The following NEGR1 variants were observed in gnomAD, a reference collection of about 807,000 sequenced individuals.
The protein encoded by NEGR1 is IgLON family member 4.
In NEGR1, 10 loss-of-function variants were observed where a neutral mutation model predicts 40.9. The ratio of observed to expected loss-of-function variants is 0.24; its 90% confidence interval spans 0.15 to 0.42. NEGR1 has a LOEUF of 0.42. Among genes scored for constraint, NEGR1 ranks in the 10% least tolerant of loss-of-function variants. The pLI is 1.00. For missense variants in NEGR1, 352 were observed against 438.9 expected (o/e 0.80, Z 1.77); for synonymous variants, 185 against 166.8 (o/e 1.11, Z -0.84).
chr1:72,265,705 G>A (rs912927521), intron 1 of NEGR1, among the ~76,000 whole-genome samples: 6 of 150,762 alleles, frequency 4.0e-5, no homozygotes, highest in African/African-American at 1.5e-4. Context: ...GAACTTAAAA[G>A]ATATTTGAAA....
intron 3 of NEGR1, among the ~76,000 whole-genome samples, chr1:71,739,199 G>GAAAAAAAAAAAA (rs776411417): frequency 1.6e-5 from 1 of 63,652 alleles, no homozygotes; most frequent in Non-Finnish European, 3.4e-5. Flanking sequence ...AAGGCAGGCA[G>GAAAAAAAAAAAA]AAAAAAAAAA....
intron 1 of NEGR1, among the ~76,000 whole-genome samples, chr1:72,173,166 C>T (rs896982924): frequency 3.3e-5 from 5 of 150,728 alleles, no homozygotes; most frequent in Non-Finnish European, 7.4e-5. Context: ...GCCAGCACAC[C>T]TGGCTAATTT....
chr1:72,039,306 T>C lies in NEGR1; in HGVS notation c.177-103995A>G, dbSNP rs188617259. On this transcript the variant is annotated intron_variant, in intron 1 of 6. Transcript: ENST00000357731. ...CCATTGAAATTTCTGATCAGGTACA[T>C]GATGTGGGCATATAAGTGTTTCAAA... is the stretch of plus-strand genomic sequence containing the variant. Among the ~76,000 whole-genome samples, 69 of 152,068 alleles carry C rather than the reference T, an allele frequency of 4.5e-4. No individual in the cohort carries two copies. In the East Asian group the frequency reaches 9.3e-3, roughly 20 times the overall value.
At chr1:71,947,935 G>C (rs1003112672) in intron 1 of NEGR1, among the ~76,000 whole-genome samples, 9 of 152,138 alleles carry the variant, frequency 5.9e-5, no homozygotes, top group African/African-American at 1.9e-4. Flanking sequence ...TATTTGAGTA[G>C]TATTTCTCCA....
At chr1:71,852,610 C>CTGTTT (rs1029024269) in intron 2 of NEGR1, among the ~76,000 whole-genome samples, 4 of 151,924 alleles carry the variant, frequency 2.6e-5, no homozygotes, top group African/African-American at 4.8e-5. Context: ...TAGACCACAA[C>CTGTTT]TGTTTTGTTT....
chr1:72,143,395 T>G (rs2100339330), intron 1 of NEGR1, among the ~76,000 whole-genome samples: 1 of 151,938 alleles, frequency 6.6e-6, no homozygotes, highest in South Asian at 2.1e-4. Context: ...ATGATGCACC[T>G]AAGGCAAAGA....
chr1:72,094,619 T>G (rs1327559401), intron 1 of NEGR1, among the ~76,000 whole-genome samples: 1 of 152,120 alleles, frequency 6.6e-6, no homozygotes. Context: ...TCAAGTCCCT[T>G]CTCTTTACTC....
At chr1:71,526,944 C>G (rs972055534) in intron 6 of NEGR1, among the ~76,000 whole-genome samples, 1 of 151,528 alleles carries the variant, frequency 6.6e-6, no homozygotes, top group African/African-American at 2.4e-5. Flanking sequence ...CTCAAACACA[C>G]CATATTCTTC....
intron 6 of NEGR1, among the ~76,000 whole-genome samples, chr1:71,508,253 A>G (rs1434243345): frequency 1.3e-5 from 2 of 152,160 alleles, no homozygotes; most frequent in South Asian, 2.1e-4. Context: ...CCTGGCCACT[A>G]TGAAAGCTAT....
At chr1:72,049,080 A>G (rs1647032281) in intron 1 of NEGR1, among the ~76,000 whole-genome samples, 1 of 151,536 alleles carries the variant, frequency 6.6e-6, no homozygotes, top group African/African-American at 2.4e-5. Flanking sequence ...AACAGAAACT[A>G]GAAGGGCTGA....
intron 4 of NEGR1, among the ~76,000 whole-genome samples, chr1:71,628,946 G>A (rs1650881048): frequency 6.6e-6 from 1 of 152,038 alleles, no homozygotes; most frequent in Non-Finnish European, 1.5e-5. Flanking sequence ...TGGATCGCTG[G>A]GTGAAATGGT....
At chr1:72,168,659 G>A (rs111325964) in intron 1 of NEGR1, among the ~76,000 whole-genome samples, 157 of 152,254 alleles carry the variant, frequency 1.0e-3, no homozygotes, top group African/African-American at 3.6e-3. Context: ...GGAAGCCAAG[G>A]CAGGCAGATC....
intron 2 of NEGR1, among the ~76,000 whole-genome samples, chr1:71,829,250 A>G (rs1322698249): frequency 6.6e-6 from 1 of 151,936 alleles, no homozygotes; most frequent in Non-Finnish European, 1.5e-5. Context: ...TTCCTATGAA[A>G]AAATTAAACT....
At chr1:71,792,508 T>C (rs1030052612) in intron 2 of NEGR1, among the ~76,000 whole-genome samples, 2 of 152,208 alleles carry the variant, frequency 1.3e-5, no homozygotes, top group African/African-American at 4.8e-5. Flanking sequence ...CTCTGTATTG[T>C]TTTTCATTTC....
chr1:72,263,079 G>A (rs1487513659), intron 1 of NEGR1, among the ~76,000 whole-genome samples: 30 of 151,614 alleles, frequency 2.0e-4, no homozygotes, highest in Admixed American at 2.0e-3. Context: ...GAAGCATTCT[G>A]AGTGTAGAAG....
chr1:71,567,686 A>G (rs1220568788), intron 6 of NEGR1, among the ~76,000 whole-genome samples: 1 of 152,206 alleles, frequency 6.6e-6, no homozygotes, highest in African/African-American at 2.4e-5. Context: ...AATAAAGTAT[A>G]TCAGTGCAAT....
intron 3 of NEGR1, among the ~76,000 whole-genome samples, chr1:71,768,574 G>T (rs1338709122): frequency 1.3e-5 from 2 of 152,102 alleles, no homozygotes; most frequent in African/African-American, 4.8e-5. Context: ...GACTTGTCTT[G>T]TCTCAGATGA....
chr1:71,888,657 C>T (rs1305498921), intron 2 of NEGR1, among the ~76,000 whole-genome samples: 1 of 123,030 alleles, frequency 8.1e-6, no homozygotes, highest in African/African-American at 3.2e-5. Context: ...CCCGCCATTG[C>T]CCAGGCTTGC....
intron 1 of NEGR1, among the ~76,000 whole-genome samples, chr1:72,222,100 G>A (rs1230734093): frequency 6.6e-6 from 1 of 152,072 alleles, no homozygotes; most frequent in Non-Finnish European, 1.5e-5. Flanking sequence ...ACAGAGAACA[G>A]GTCCATCCCA....
Sources: gnomAD v4.1 joint callset for allele counts (sites outside exome capture counted in the v4.1 genomes callset) on GRCh38, gnomAD v4.1.1 for gene constraint, MANE v1.5 for transcripts, NCBI Gene and HGNC (gene_info 2026-07-23, HGNC 2026-07-21) for gene names.